Variants in MRPS27 observed in about 807,000 individuals in gnomAD.
The protein encoded by MRPS27 is small ribosomal subunit protein mS27.
In MRPS27, 43 loss-of-function variants were observed where a neutral mutation model predicts 48.9. The ratio of observed to expected loss-of-function variants is 0.88; its 90% CI spans 0.69 to 1.13. MRPS27 has a LOEUF of 1.13. Among genes scored for constraint, MRPS27 ranks in the 50% most tolerant of loss-of-function variants. The probability of loss-of-function intolerance (pLI) is 0.00; values close to 1 mark genes in which losing one functional copy is unlikely to be tolerated. For synonymous variants in MRPS27, 188 were observed against 171.9 expected (o/e 1.09, Z -0.73); for missense variants, 467 against 476.3 (o/e 0.98, Z 0.18).
chr5:72,297,567 A>C, intron 3 of MRPS27, 65 bp downstream of exon 3: 1 of 999,614 alleles, frequency 1.0e-6, no homozygotes, highest in Non-Finnish European at 1.5e-6. Flanking sequence ...AGCCTCATCT[A>C]CATGAAGGGC....
intron 10 of MRPS27, 44 bp from the exon 11 acceptor site, chr5:72,221,192 T>C (rs1267422130): frequency 6.3e-7 from 1 of 1,598,110 alleles, no homozygotes; most frequent in Non-Finnish European, 8.5e-7. Flanking sequence ...GGTAGAGAAG[T>C]GAGAGAAAGA....
intron 4 of MRPS27, among the ~76,000 whole-genome samples, chr5:72,247,187 A>G (rs10454918): frequency 0.76 from 116,118 of 152,050 alleles, 44,983 homozygotes; most frequent in African/African-American, 0.89. Context: ...CTTGTATTAC[A>G]ATCAAGCAAA....
At chr5:72,261,815 G>C (rs1748986512) in intron 4 of MRPS27, among the ~76,000 whole-genome samples, 1 of 152,144 alleles carries the variant, frequency 6.6e-6, no homozygotes, top group South Asian at 2.1e-4. Context: ...ATGGCTGTAA[G>C]GCAAATACAA....
At chr5:72,276,725 A>C (rs1226114057) in intron 4 of MRPS27, among the ~76,000 whole-genome samples, 5 of 152,154 alleles carry the variant, frequency 3.3e-5, no homozygotes, top group Admixed American at 2.6e-4. Context: ...GAAAAAAAAA[A>C]AATGCCACTA....
intron 4 of MRPS27, among the ~76,000 whole-genome samples, chr5:72,283,900 T>G (rs1001943342): frequency 1.3e-5 from 2 of 152,158 alleles, no homozygotes; most frequent in Admixed American, 6.6e-5. Context: ...TTAATCCTGC[T>G]GATCCAATTT....
intron 1 of MRPS27, among the ~76,000 whole-genome samples, chr5:72,315,994 A>G (rs1469660519): frequency 6.6e-6 from 1 of 152,280 alleles, no homozygotes; most frequent in Non-Finnish European, 1.5e-5. Flanking sequence ...TCAATTGATG[A>G]ATAAACAAAA....
intron 4 of MRPS27, among the ~76,000 whole-genome samples, chr5:72,248,111 T>A (rs562068747): frequency 1.3e-5 from 2 of 152,326 alleles, no homozygotes; most frequent in East Asian, 3.9e-4. Flanking sequence ...AGTATGACTA[T>A]AATACATTTA....
chr5:72,241,506 G>A (rs1748348973), intron 4 of MRPS27: 2 of 751,122 alleles, frequency 2.7e-6, no homozygotes, highest in East Asian at 5.5e-5. Flanking sequence ...CACTGGGCCA[G>A]CGGGGTTCAA....
intron 4 of MRPS27, among the ~76,000 whole-genome samples, chr5:72,265,720 T>G (rs1749091799): frequency 6.6e-6 from 1 of 152,200 alleles, no homozygotes; most frequent in Non-Finnish European, 1.5e-5. Context: ...AAGTGGATGA[T>G]GATGTTCACA....
intron 4 of MRPS27, among the ~76,000 whole-genome samples, chr5:72,263,920 A>T (rs1214727641): frequency 6.6e-6 from 1 of 152,212 alleles, no homozygotes; most frequent in Non-Finnish European, 1.5e-5. Flanking sequence ...AACTAAAAAT[A>T]GGTTCTCAAG....
intron 2 of MRPS27, among the ~76,000 whole-genome samples, chr5:72,303,969 C>T (rs1052486984): frequency 6.8e-6 from 1 of 147,580 alleles, no homozygotes; most frequent in Non-Finnish European, 1.5e-5. Flanking sequence ...GCAACAAATA[C>T]TAAAGGAAAT....
rs1224274411 is a variant in MRPS27 at position 72,277,561 on chromosome 5, G to C, written c.281+17970C>G. Among the ~76,000 whole-genome samples the C allele has an allele frequency of 2.0e-5, 3 of 151,640 alleles. No homozygotes were observed. In the East Asian group the frequency reaches 5.8e-4, roughly 29 times the overall value. ...GGAGGTTGCAGTGAGCCGAGATCTTGCCACTGCACTCCAGCCTGGCCACAG... is the reference window on the plus strand; with the variant it reads ...GGAGGTTGCAGTGAGCCGAGATCTTCCCACTGCACTCCAGCCTGGCCACAG... On this transcript the variant is annotated intron_variant, in intron 4 of 10. Coordinates refer to ENST00000261413, the MANE Select transcript of MRPS27 (RefSeq NM_015084.3).
chr5:72,253,779 T>C (rs1748725112), intron 4 of MRPS27, among the ~76,000 whole-genome samples: 1 of 152,212 alleles, frequency 6.6e-6, no homozygotes, highest in African/African-American at 2.4e-5. Context: ...CAAGAAATAT[T>C]GTTAAGATGT....
At chr5:72,265,692 C>T (rs1169961624) in intron 4 of MRPS27, among the ~76,000 whole-genome samples, 1 of 152,144 alleles carries the variant, frequency 6.6e-6, no homozygotes, top group Non-Finnish European at 1.5e-5. Context: ...GGACAGATGT[C>T]TCACAGAGCT....
intron 2 of MRPS27, among the ~76,000 whole-genome samples, chr5:72,308,442 G>A (rs1454686211): frequency 6.6e-6 from 1 of 152,216 alleles, no homozygotes; most frequent in African/African-American, 2.4e-5. Context: ...CCCGCTTTGA[G>A]CACCTCACGG....
chr5:72,220,972 C>G lies in MRPS27; in HGVS notation c.1182G>C (p.Gln394His). 1 of 1,614,172 alleles carries G rather than the reference C, an allele frequency of 6.2e-7. No individual in the cohort carries two copies. Among genetic ancestry groups the G allele is most frequent in the Admixed American group, 1.7e-5 (1 of 60,024 alleles). The change falls in exon 11 of 11, where the codon CAG becomes CAC. Residue 394 changes from glutamine (Q) to histidine (H), a missense_variant. Coordinates refer to ENST00000261413, the MANE Select transcript of MRPS27 (RefSeq NM_015084.3). Reference sequence around the variant, plus strand: ...CCTGCTTCGCTTGCTCCCTCTGTTGCTGTTCTCTCTGGATCAACTGTACAA... The same window carrying G: ...CCTGCTTCGCTTGCTCCCTCTGTTGGTGTTCTCTCTGGATCAACTGTACAA... ...LDLVQLIQRE[Q>H]QQREQAKQEY...
intron 4 of MRPS27, among the ~76,000 whole-genome samples, chr5:72,239,684 T>C (rs917904346): frequency 6.6e-6 from 1 of 152,172 alleles, no homozygotes; most frequent in Non-Finnish European, 1.5e-5. Context: ...TATTTTTTTA[T>C]TTTTATTTTT....
chr5:72,305,035 T>G (rs929446864), intron 2 of MRPS27, among the ~76,000 whole-genome samples: 1 of 152,172 alleles, frequency 6.6e-6, no homozygotes, highest in Admixed American at 6.5e-5. Flanking sequence ...ATGACATATA[T>G]CATGCATTGA....
intron 4 of MRPS27, among the ~76,000 whole-genome samples, chr5:72,279,046 C>G (rs1241378847): frequency 6.6e-6 from 1 of 152,180 alleles, no homozygotes; most frequent in Non-Finnish European, 1.5e-5. Flanking sequence ...TGCCCATCCT[C>G]TTTTACTTCA....
Sources: gnomAD v4.1 joint callset for allele counts (sites outside exome capture counted in the v4.1 genomes callset) on GRCh38, gnomAD v4.1.1 for gene constraint, MANE v1.5 for transcripts, NCBI Gene and HGNC (gene_info 2026-07-23, HGNC 2026-07-21) for gene names.